Variants in FAM53A observed in about 807,000 individuals in gnomAD.
FAM53A encodes protein FAM53A.
In FAM53A, 28 loss-of-function variants were observed where a neutral mutation model predicts 26.6. The observed-to-expected ratio is 1.05, with a 90% CI of 0.78 to 1.45. FAM53A has a LOEUF of 1.45. Ranked by LOEUF, FAM53A falls within the 40% of genes most tolerant of loss-of-function variation. The pLI is 0.00. For missense variants in FAM53A, 650 were observed against 575.8 expected, an observed-to-expected ratio of 1.13 and a Z score of -1.32; for synonymous variants, 290 against 253.1, an observed-to-expected ratio of 1.15 and a Z score of -1.38.
At chr4:1,677,525 G>A (rs893872274) in intron 1 of FAM53A, among the ~76,000 whole-genome samples, 1 of 152,172 alleles carries the variant, frequency 6.6e-6, no homozygotes, top group African/African-American at 2.4e-5. Flanking sequence ...TTCATGGGGG[G>A]TTTTAAATTA....
intron 2 of FAM53A, among the ~76,000 whole-genome samples, chr4:1,668,038 C>T (rs1374178701): frequency 6.6e-6 from 1 of 152,210 alleles, no homozygotes; most frequent in Non-Finnish European, 1.5e-5. Context: ...GGGGTGCAGT[C>T]TGCTGCTTGA....
the FAM53A span, among the ~76,000 whole-genome samples, chr4:1,605,165 C>T: frequency 6.6e-6 from 1 of 152,208 alleles, no homozygotes; most frequent in Non-Finnish European, 1.5e-5. The surrounding 1 kb of genome is among the most constrained non-coding windows in gnomAD (Gnocchi z 5.7). Context: ...ACGATGCCCA[C>T]GGCCTCCAGG....
rs1164043241 is a variant in FAM53A at position 1,632,877 on chromosome 4, TACAC to T, written c.432-14770_432-14767del. On this transcript the variant is annotated intron_variant, in intron 1 of 1. Coordinates refer to the FAM53A transcript ENST00000489029. ...ACACGTGCACACACACAGGTACACTTACACACAGACTCCCATGCAGAAAATGTAG... is the reference window on the plus strand; with the variant it reads ...ACACGTGCACACACACAGGTACACTTACAGACTCCCATGCAGAAAATGTAG... Among the ~76,000 whole-genome samples the T allele has an allele frequency of 3.3e-5, 5 of 152,274 alleles. No individual in the cohort carries two copies. The South Asian group carries it at 8.3e-4, about 25-fold the overall frequency.
At chr4:1,654,727 G>A (rs776532478) in intron 4 of FAM53A, among the ~76,000 whole-genome samples, 4 of 152,218 alleles carry the variant, frequency 2.6e-5, no homozygotes, top group South Asian at 2.1e-4. Flanking sequence ...AAGCCTGGCC[G>A]GCCACCCTGG....
chr4:1,615,835 C>T (rs528074352), downstream of FAM53A, among the ~76,000 whole-genome samples: 203 of 152,346 alleles, frequency 1.3e-3, 1 homozygote, highest in African/African-American at 4.7e-3. Flanking sequence ...GATGAAGGAC[C>T]ATGCACTTTT....
chr4:1,659,277 G>C lies in FAM53A; in HGVS notation c.76-1809C>G, dbSNP rs1379042184. ...GAGAGGAGAGGCAGCTCTGCTAAAG[G>C]ACTTGAAGGCTTTCACGCCACAGGG... On this transcript the variant is annotated intron_variant, in intron 2 of 4. Coordinates refer to ENST00000308132, the MANE Select transcript of FAM53A (RefSeq NM_001174070.3). The surrounding 1 kb of genome is among the most constrained non-coding windows in gnomAD (Gnocchi z 5.2). 6.6e-6 allele frequency among the ~76,000 whole-genome samples: 1 copy of C among 152,152 alleles called. No individual in the cohort carries two copies. Among genetic ancestry groups the C allele is most frequent in the Non-Finnish European group, 1.5e-5 (1 of 68,028 alleles).
At chr4:1,645,405 G>A (rs909753179) in intron 4 of FAM53A, among the ~76,000 whole-genome samples, 1 of 152,242 alleles carries the variant, frequency 6.6e-6, no homozygotes, top group Non-Finnish European at 1.5e-5. Flanking sequence ...AGTACGGACT[G>A]GAGCATTCTA....
At chr4:1,636,754 CGCGTCT>C (rs1715858173), downstream of FAM53A, among the ~76,000 whole-genome samples, 1 of 152,246 alleles carries the variant, frequency 6.6e-6, no homozygotes. Context: ...CAGAGGGGTC[CGCGTCT>C]GCGTCTGCCA....
chr4:1,593,101 G>A, the FAM53A span, among the ~76,000 whole-genome samples: 1 of 152,174 alleles, frequency 6.6e-6, no homozygotes, highest in South Asian at 2.1e-4. Flanking sequence ...TCCGCCGGCG[G>A]GGACACAGGC....
At chr4:1,595,232 C>T in the FAM53A span, among the ~76,000 whole-genome samples, 1 of 152,252 alleles carries the variant, frequency 6.6e-6, no homozygotes, top group Non-Finnish European at 1.5e-5. Flanking sequence ...TGGACGGCCA[C>T]AGGGCCCCAG....
chr4:1,655,739 CAA>C lies in FAM53A; in HGVS notation c.137-18_137-17del, dbSNP rs1491458863. On this transcript the variant is annotated splice_polypyrimidine_tract_variant and intron_variant, in intron 3 of 4. Coordinates refer to ENST00000308132, the MANE Select transcript of FAM53A (RefSeq NM_001174070.3). ...GGACTCTGGTCTACAAAAAAAGACA[CAA>C]AGAGGCAGGGGAAGAGACAGGTGAG... The C allele has an allele frequency of 1.3e-6, 2 of 1,532,254 alleles. No homozygotes were observed. The highest frequency in any genetic ancestry group is 1.4e-5 in the African/African-American group (1 of 71,628). The allele number at this position is 1,532,254 out of a possible 1,614,324, so 94.9% of individuals were successfully genotyped here. A position where few individuals can be genotyped will look rare whatever the true frequency, so the allele number is the denominator to read the frequency against.
At chr4:1,639,713 C>G (rs1387846741), downstream of FAM53A, among the ~76,000 whole-genome samples, 1 of 152,214 alleles carries the variant, frequency 6.6e-6, no homozygotes, top group African/African-American at 2.4e-5. Flanking sequence ...CCCACTTTCA[C>G]CCAAGCAGCT....
chr4:1,596,761 A>G, the FAM53A span, among the ~76,000 whole-genome samples: 1 of 152,142 alleles, frequency 6.6e-6, no homozygotes, highest in South Asian at 2.1e-4. Context: ...AACTTCCTTT[A>G]AAAGGGGGAA....
In FAM53A at chr4:1,630,142, A is replaced by G. The variant is rs1715547491; in HGVS notation, c.432-12031T>C. 6.6e-6 allele frequency among the ~76,000 whole-genome samples: 1 copy of G among 152,098 alleles called. No homozygotes were observed. The highest frequency in any genetic ancestry group is 2.4e-5 in the African/African-American group (1 of 41,424). ...GAGGGTATGAGTCCTGGACAAGGGG[A>G]CCAACTCCTCACACACAGGGGTAGG... is the stretch of plus-strand genomic sequence containing the variant. On this transcript the variant is annotated intron_variant, in intron 1 of 1. Transcript: ENST00000489029. This position sits in a 1 kb window ranked among gnomAD's most constrained non-coding sequence, Gnocchi z 4.3.
intron 1 of FAM53A, among the ~76,000 whole-genome samples, chr4:1,670,508 C>T (rs954937344): frequency 2.0e-5 from 3 of 152,234 alleles, no homozygotes; most frequent in African/African-American, 7.2e-5. Context: ...GTGCCACCCA[C>T]CCATGGGGCT....
chr4:1,626,028 T>C (rs1715283283), intron 1 of FAM53A, among the ~76,000 whole-genome samples: 1 of 152,184 alleles, frequency 6.6e-6, no homozygotes. Flanking sequence ...CAGCATGTTT[T>C]TCCTGCCCCG....
the FAM53A span, among the ~76,000 whole-genome samples, chr4:1,610,069 G>A: frequency 1.3e-5 from 2 of 151,626 alleles, no homozygotes; most frequent in African/African-American, 4.9e-5. Flanking sequence ...GGCGGCCCCC[G>A]AGATGGGTGT....
downstream of FAM53A, among the ~76,000 whole-genome samples, chr4:1,637,359 C>T (rs1715889875): frequency 6.6e-6 from 1 of 152,172 alleles, no homozygotes; most frequent in South Asian, 2.1e-4. Flanking sequence ...CCCCACCTCC[C>T]CGGGTCTTCA....
intron 2 of FAM53A, among the ~76,000 whole-genome samples, chr4:1,662,222 T>C (rs1713886197): frequency 1.3e-5 from 2 of 151,976 alleles, no homozygotes; most frequent in South Asian, 4.1e-4. Flanking sequence ...GGCTGTAACC[T>C]GTAATCCCAG....
Sources: allele counts gnomAD v4.1 joint callset (sites outside exome capture counted in the v4.1 genomes callset), GRCh38; gene constraint gnomAD v4.1.1; non-coding constraint Gnocchi (gnomAD v3.1); transcripts MANE v1.5; gene names NCBI Gene and HGNC (gene_info 2026-07-23, HGNC 2026-07-21).